Variants in NXPH1 observed in about 807,000 individuals in gnomAD.
The protein encoded by NXPH1 is neurexophilin 1.
NXPH1 carries 5 observed loss-of-function variants against 23.7 expected under a neutral mutation model. The ratio of observed to expected loss-of-function variants is 0.21; its 90% confidence interval spans 0.11 to 0.44. The LOEUF is 0.44. NXPH1 is among the 20% of genes least tolerant of loss of function. The pLI, the probability that NXPH1 is intolerant of heterozygous loss-of-function variation, is 0.99. For synonymous variants in NXPH1, 144 were observed against 122.2 expected (o/e 1.18, Z -1.18); for missense variants, 324 against 321.6 (o/e 1.01, Z -0.06).
chr7:8,512,271 G>T lies in NXPH1; in HGVS notation c.54+76504G>T, dbSNP rs553183884. 2.0e-5 allele frequency among the ~76,000 whole-genome samples: 3 copies of T among 152,256 alleles called. No homozygotes were observed. The South Asian group carries it at 6.2e-4, about 32-fold the overall frequency. ...TTTCAGTGGTTGGAAGGGGTTATGAGCTAGATCCCTTATATTTTTGTAACC... is the reference window on the plus strand; with the variant it reads ...TTTCAGTGGTTGGAAGGGGTTATGATCTAGATCCCTTATATTTTTGTAACC... On this transcript the variant is annotated intron_variant, in intron 2 of 2. Transcript: ENST00000405863.
intron 2 of NXPH1, among the ~76,000 whole-genome samples, chr7:8,437,846 A>G (rs1816222770): frequency 6.6e-6 from 1 of 152,258 alleles, no homozygotes; most frequent in South Asian, 2.1e-4. Flanking sequence ...TTTTGGCAAT[A>G]CAGAGAAAGG....
chr7:8,709,797 T>G (rs1211980889), intron 2 of NXPH1, among the ~76,000 whole-genome samples: 1 of 152,230 alleles, frequency 6.6e-6, no homozygotes, highest in Non-Finnish European at 1.5e-5. Flanking sequence ...TCTAAGAATC[T>G]AGAAATTATT....
At chr7:8,527,500 C>T (rs954607313) in intron 2 of NXPH1, among the ~76,000 whole-genome samples, 9 of 151,936 alleles carry the variant, frequency 5.9e-5, no homozygotes, top group African/African-American at 2.2e-4. Flanking sequence ...ATGGCTTTGG[C>T]AAACCCATAG....
At chr7:8,450,431 G>C (rs1395191337) in intron 2 of NXPH1, among the ~76,000 whole-genome samples, 6 of 152,206 alleles carry the variant, frequency 3.9e-5, no homozygotes, top group Admixed American at 6.5e-5. Flanking sequence ...AACTAACTTA[G>C]CACAGGTCTT....
At chr7:8,692,336 T>G (rs1821234924) in intron 2 of NXPH1, among the ~76,000 whole-genome samples, 1 of 152,138 alleles carries the variant, frequency 6.6e-6, no homozygotes, top group African/African-American at 2.4e-5. Flanking sequence ...GAAAAGCTAT[T>G]GCACCACCAG....
chr7:8,646,357 A>G (rs1161808702), intron 2 of NXPH1, among the ~76,000 whole-genome samples: 1 of 152,070 alleles, frequency 6.6e-6, no homozygotes, highest in East Asian at 1.9e-4. Context: ...AAACTCTATT[A>G]TTCTTATAAC....
At chr7:8,503,156 T>C (rs1345093674) in intron 2 of NXPH1, among the ~76,000 whole-genome samples, 1 of 152,024 alleles carries the variant, frequency 6.6e-6, no homozygotes, top group African/African-American at 2.4e-5. Context: ...AGGGTGAATA[T>C]GGAGCTTCAA....
intron 2 of NXPH1, among the ~76,000 whole-genome samples, chr7:8,686,389 A>C (rs1182581261): frequency 1.3e-5 from 2 of 152,178 alleles, no homozygotes; most frequent in African/African-American, 4.8e-5. Context: ...TACTCTTCAA[A>C]ATCAAAGCCT....
intron 2 of NXPH1, among the ~76,000 whole-genome samples, chr7:8,640,413 ATAT>A (rs1443479477): frequency 1.3e-5 from 2 of 151,352 alleles, no homozygotes; most frequent in Admixed American, 1.3e-4. Flanking sequence ...ACTGATTTGA[ATAT>A]TATATTTATT....
intron 2 of NXPH1, among the ~76,000 whole-genome samples, chr7:8,704,649 T>C (rs1303907336): frequency 1.3e-5 from 2 of 152,148 alleles, no homozygotes; most frequent in Non-Finnish European, 2.9e-5. Context: ...CCAATTAGCA[T>C]GGAGCATTTT....
At chr7:8,567,588 A>G (rs1818567783) in intron 2 of NXPH1, among the ~76,000 whole-genome samples, 1 of 152,082 alleles carries the variant, frequency 6.6e-6, no homozygotes, top group Admixed American at 6.6e-5. Context: ...AAGAAAAAAC[A>G]TGAAACTATA....
chr7:8,623,600 A>G (rs1819922992), intron 2 of NXPH1, among the ~76,000 whole-genome samples: 1 of 150,684 alleles, frequency 6.6e-6, no homozygotes, highest in South Asian at 2.1e-4. Context: ...ATTTGAATAT[A>G]GACTGGATTT....
intron 2 of NXPH1, among the ~76,000 whole-genome samples, chr7:8,640,037 G>A (rs938581299): frequency 1.3e-5 from 2 of 151,976 alleles, no homozygotes; most frequent in Non-Finnish European, 2.9e-5. Flanking sequence ...TTTTCTTATT[G>A]ATTTATAGGA....
At chr7:8,583,015 G>A (rs982407912) in intron 2 of NXPH1, among the ~76,000 whole-genome samples, 4 of 152,228 alleles carry the variant, frequency 2.6e-5, no homozygotes, top group African/African-American at 9.6e-5. Context: ...GGGGCCAAGG[G>A]GGCAGGTGGC....
At chr7:8,533,609 C>T (rs560950738) in intron 2 of NXPH1, among the ~76,000 whole-genome samples, 24 of 152,254 alleles carry the variant, frequency 1.6e-4, no homozygotes, top group African/African-American at 5.8e-4. Context: ...GGCAACTCGC[C>T]TATCTCTTTA....
intron 2 of NXPH1, among the ~76,000 whole-genome samples, chr7:8,523,228 G>C (rs1370455628): frequency 6.6e-6 from 1 of 152,180 alleles, no homozygotes; most frequent in Non-Finnish European, 1.5e-5. Flanking sequence ...CAGAGTTACA[G>C]CAGAGAGCCT....
intron 2 of NXPH1, among the ~76,000 whole-genome samples, chr7:8,601,414 A>G (rs763944288): frequency 3.3e-5 from 5 of 152,138 alleles, no homozygotes; most frequent in Admixed American, 1.3e-4. Flanking sequence ...CAAAAAGACA[A>G]TGCTACCAAA....
chr7:8,450,271 G>A (rs1460999298), intron 2 of NXPH1, among the ~76,000 whole-genome samples: 3 of 152,154 alleles, frequency 2.0e-5, no homozygotes, highest in Non-Finnish European at 4.4e-5. Context: ...TTAATCTAAT[G>A]AGTCCTGCCA....
At chr7:8,711,954 G>A (rs548923075) in intron 2 of NXPH1, among the ~76,000 whole-genome samples, 15 of 152,282 alleles carry the variant, frequency 9.9e-5, no homozygotes, top group African/African-American at 3.6e-4. Flanking sequence ...CAGTTGTGAG[G>A]CAATTATGTT....
Sources: allele counts gnomAD v4.1 joint callset (sites outside exome capture counted in the v4.1 genomes callset), GRCh38; gene constraint gnomAD v4.1.1; transcripts MANE v1.5; gene names NCBI Gene and HGNC (gene_info 2026-07-23, HGNC 2026-07-21).